Variants in GALK2 observed in about 807,000 individuals in gnomAD.
The protein encoded by GALK2 is N-acetylgalactosamine kinase.
A neutral mutation model predicts 52.4 loss-of-function variants in GALK2; 36 were observed. The ratio of observed to expected loss-of-function variants is 0.69; its 90% confidence interval spans 0.53 to 0.91. The LOEUF (loss-of-function observed/expected upper bound fraction) is 0.91, where lower values mean the gene tolerates loss of function less well. Ranked by LOEUF, GALK2 falls within the 40% of genes least tolerant of loss-of-function variation. The pLI is 0.00. For synonymous variants in GALK2, 176 were observed against 199.1 expected, an observed-to-expected ratio of 0.88 and a Z score of 0.98; for missense variants, 579 against 559.1, an observed-to-expected ratio of 1.04 and a Z score of -0.36.
intron 3 of GALK2, among the ~76,000 whole-genome samples, chr15:49,354,292 C>T (rs1366019769): frequency 3.9e-5 from 6 of 152,168 alleles, no homozygotes; most frequent in Admixed American, 6.5e-5. Context: ...CCAGCGTGAG[C>T]GACGCAGAAG....
chr15:49,331,646 A>C lies in GALK2; in HGVS notation c.*3487A>C, dbSNP rs1024758093. 1.6e-6 allele frequency: 1 copy of C among 614,154 alleles called. No individual in the cohort carries two copies. The allele number at this position is 614,154 out of a possible 1,614,324, so 38.0% of individuals were successfully genotyped here. Reference sequence around the variant, plus strand: ...TTCTTACATGTGCATGTAGATGATTAAGTAACAAGAATGTATCCTCTCCTG... The same window carrying C: ...TTCTTACATGTGCATGTAGATGATTCAGTAACAAGAATGTATCCTCTCCTG... On this transcript the variant is annotated 3_prime_UTR_variant, in exon 10 of 10. Transcript: ENST00000560031.
At chr15:49,239,192 A>G in intron 4 of GALK2, 29 bp from the exon 5 acceptor site, 2 of 1,603,116 alleles carry the variant, frequency 1.2e-6, no homozygotes, top group African/African-American at 1.3e-5. Flanking sequence ...ATACTGAATT[A>G]CTGTTGCTGT....
At chr15:49,214,636 G>A (rs1215568372) in intron 2 of GALK2, among the ~76,000 whole-genome samples, 1 of 151,650 alleles carries the variant, frequency 6.6e-6, no homozygotes, top group Admixed American at 6.6e-5. Context: ...CACCATGCCC[G>A]GCTGCTTTGT....
intron 3 of GALK2, chr15:49,366,303 A>G: frequency 1.3e-6 from 1 of 787,882 alleles, no homozygotes; most frequent in South Asian, 1.3e-5. Flanking sequence ...GGAAATTCAG[A>G]TCTGTTACCT....
In GALK2 at chr15:49,162,574, G is replaced by A. The variant is rs530321624; in HGVS notation, c.20+6558G>A. Among the ~76,000 whole-genome samples the A allele has an allele frequency of 1.4e-4, 21 of 152,254 alleles. No individual in the cohort carries two copies. The South Asian group carries it at 3.9e-3, about 29-fold the overall frequency. ...TTCTTTGCTTTTTGAGCGTGAGTGG[G>A]ATCTGTGACTTGCTTCTAACTAAAA... On this transcript the variant is annotated intron_variant, in intron 1 of 9. Coordinates refer to the GALK2 transcript ENST00000327171.
At position 49,319,677 on chromosome 15, in the gene GALK2, G is replaced by C. The variant is rs761365640; in HGVS notation, c.1041G>C (p.Lys347Asn). Residue 347 changes from lysine to asparagine, a missense_variant, in exon 9 of 10, where the codon AAG (lysine) becomes AAC (asparagine). Transcript: ENST00000560031. ...CTGCGCGAGTGCTCCAGTTTAAGAA[G>C]ATATGTGAAGAAGCACCTGAAAACA... Reference protein sequence around the residue: ...SEAARVLQFKKICEEAPENMV... With the variant: ...SEAARVLQFKNICEEAPENMV... 2.5e-6 allele frequency: 4 copies of C among 1,614,136 alleles called. No individual in the cohort carries two copies. Among genetic ancestry groups the C allele is most frequent in the Non-Finnish European group, 3.4e-6 (4 of 1,180,024 alleles).
At chr15:49,350,021 C>T (rs901057454) in intron 3 of GALK2, among the ~76,000 whole-genome samples, 3 of 152,106 alleles carry the variant, frequency 2.0e-5, no homozygotes, top group Non-Finnish European at 4.4e-5. Context: ...AACTCTTAAG[C>T]CCCTAAACTT....
chr15:49,289,270 T>C (rs1247903900), intron 7 of GALK2, among the ~76,000 whole-genome samples: 1 of 152,082 alleles, frequency 6.6e-6, no homozygotes, highest in Non-Finnish European at 1.5e-5. Flanking sequence ...TGCACATGAA[T>C]GAAGGAAATG....
At chr15:49,239,146 G>A in intron 4 of GALK2, 75 bp from the exon 5 acceptor site, 1 of 1,290,982 alleles carries the variant, frequency 7.7e-7, no homozygotes, top group Non-Finnish European at 1.1e-6. Flanking sequence ...TTGTTCTCTG[G>A]GGAATGAAAG....
chr15:49,191,086 G>T (rs1308233274), intron 1 of GALK2, among the ~76,000 whole-genome samples: 1 of 152,078 alleles, frequency 6.6e-6, no homozygotes, highest in East Asian at 1.9e-4. Context: ...TGTTCCAATG[G>T]GCTAAACGGA....
At chr15:49,357,445 T>C (rs1370703030) in intron 3 of GALK2, among the ~76,000 whole-genome samples, 1 of 151,558 alleles carries the variant, frequency 6.6e-6, no homozygotes, top group African/African-American at 2.4e-5. Flanking sequence ...CATCAGAGAA[T>C]ACTACAAACA....
In GALK2 at chr15:49,328,308, A is replaced by C. The variant is rs2037882937; in HGVS notation, c.*149A>C. On this transcript the variant is annotated 3_prime_UTR_variant, in exon 10 of 10. Transcript: ENST00000560031. ...GATATATTTTCAAAGAAATGGTTGAAAGCTCTCTATGCTTCATAATGATTC... is the reference window on the plus strand; with the variant it reads ...GATATATTTTCAAAGAAATGGTTGACAGCTCTCTATGCTTCATAATGATTC... 3 of 1,436,400 alleles carry C rather than the reference A, an allele frequency of 2.1e-6. No individual in the cohort carries two copies. The highest frequency in any genetic ancestry group is 1.5e-5 in the South Asian group (1 of 64,866). The allele number at this position is 1,436,400 out of a possible 1,614,324, so 89.0% of individuals were successfully genotyped here.
chr15:49,212,497 A>G (rs547927375), intron 2 of GALK2, among the ~76,000 whole-genome samples: 14 of 152,110 alleles, frequency 9.2e-5, no homozygotes, highest in Non-Finnish European at 1.5e-4. Flanking sequence ...TTAAATTTCA[A>G]TTTTACTTAT....
intron 3 of GALK2, among the ~76,000 whole-genome samples, chr15:49,234,977 G>A (rs932943455): frequency 1.3e-4 from 20 of 152,072 alleles, no homozygotes; most frequent in African/African-American, 4.8e-4. Context: ...ATATTGGCCA[G>A]GCTTGTCTCG....
intron 8 of GALK2, among the ~76,000 whole-genome samples, chr15:49,297,730 G>C (rs2034609303): frequency 6.6e-6 from 1 of 152,160 alleles, no homozygotes; most frequent in South Asian, 2.1e-4. Context: ...TCAAAGATCA[G>C]ATGGCTGTAG....
chr15:49,179,652 C>CTTTTTTTT (rs71875041), intron 1 of GALK2, among the ~76,000 whole-genome samples: 1 of 138,180 alleles, frequency 7.2e-6, no homozygotes, highest in Non-Finnish European at 1.6e-5. Context: ...TTGTTTCTTT[C>CTTTTTTTT]TTTTTTTTTT....
chr15:49,358,564 A>G (rs904355963), intron 3 of GALK2, among the ~76,000 whole-genome samples: 1 of 149,440 alleles, frequency 6.7e-6, no homozygotes, highest in Admixed American at 6.7e-5. Context: ...AGAACTACAA[A>G]CCACTGCTCA....
intron 5 of GALK2, among the ~76,000 whole-genome samples, chr15:49,266,506 G>A (rs2092366525): frequency 6.6e-6 from 1 of 152,142 alleles, no homozygotes; most frequent in African/African-American, 2.4e-5. Flanking sequence ...TGTTTTGCTT[G>A]TCTGTTTCAT....
chr15:49,363,084 T>C (rs955283943), intron 3 of GALK2, among the ~76,000 whole-genome samples: 10 of 152,234 alleles, frequency 6.6e-5, no homozygotes, highest in Admixed American at 5.9e-4. Context: ...CCTTTTTGCT[T>C]AAGATTGTCT....
Sources: gnomAD v4.1 joint callset for allele counts (sites outside exome capture counted in the v4.1 genomes callset) on GRCh38, gnomAD v4.1.1 for gene constraint, MANE v1.5 for transcripts, NCBI Gene and HGNC (gene_info 2026-07-23, HGNC 2026-07-21) for gene names.